The following DLGAP2 variants were observed in gnomAD, a reference collection of about 807,000 sequenced individuals.
DLGAP2 encodes DLG associated protein 2.
A neutral mutation model predicts 100.3 loss-of-function variants in DLGAP2; 26 were observed. That is an observed-to-expected ratio of 0.26 (90% CI 0.19 to 0.36). DLGAP2 has a LOEUF of 0.36. Among genes scored for constraint, DLGAP2 ranks in the 10% least tolerant of loss-of-function variants. The probability of loss-of-function intolerance (pLI) is 1.00; values close to 1 mark genes in which losing one functional copy is unlikely to be tolerated. For missense variants in DLGAP2, 1,858 were observed against 1,453.2 expected (o/e 1.28, Z -4.53); for synonymous variants, 886 against 630.1 (o/e 1.41, Z -6.08).
At chr8:1,314,738 C>A (rs563487339) in intron 3 of DLGAP2, among the ~76,000 whole-genome samples, 1 of 152,206 alleles carries the variant, frequency 6.6e-6, no homozygotes, top group African/African-American at 2.4e-5. Flanking sequence ...CGAGGACTTT[C>A]GGGGGTCTCC....
At chr8:1,380,175 A>G (rs555372115) in intron 3 of DLGAP2, 1 of 152,216 alleles carries the variant, frequency 6.6e-6, no homozygotes, top group East Asian at 1.9e-4. Context: ...ATACATAGGA[A>G]TCCTGAAAAG....
At chr8:835,039 G>A (rs1471819996) in intron 1 of DLGAP2, among the ~76,000 whole-genome samples, 1 of 152,160 alleles carries the variant, frequency 6.6e-6, no homozygotes, top group African/African-American at 2.4e-5. Context: ...GCAGGTTACT[G>A]CTCACATGTG....
chr8:1,294,919 T>G (rs1462279876), intron 3 of DLGAP2, among the ~76,000 whole-genome samples: 1 of 151,994 alleles, frequency 6.6e-6, no homozygotes, highest in Non-Finnish European at 1.5e-5. Context: ...TTTTGTTATG[T>G]AGCAGTTGAT....
intron 2 of DLGAP2, among the ~76,000 whole-genome samples, chr8:1,198,669 C>T (rs1797805090): frequency 6.6e-6 from 1 of 152,222 alleles, no homozygotes; most frequent in Non-Finnish European, 1.5e-5. Context: ...GGCCCAGCTC[C>T]ACCCCATGTC....
intron 2 of DLGAP2, among the ~76,000 whole-genome samples, chr8:1,175,005 A>G (rs943702952): frequency 2.0e-5 from 3 of 152,182 alleles, no homozygotes; most frequent in Admixed American, 6.5e-5. Flanking sequence ...ATATTTCCCT[A>G]TAAAAGTAGT....
chr8:1,594,479 C>G (rs1796387030), intron 6 of DLGAP2, among the ~76,000 whole-genome samples: 1 of 151,998 alleles, frequency 6.6e-6, no homozygotes. Context: ...CAACAACAGA[C>G]CAGATCAAAC....
chr8:1,250,229 C>A (rs981078558), intron 2 of DLGAP2: 2 of 152,088 alleles, frequency 1.3e-5, no homozygotes, highest in Non-Finnish European at 2.9e-5. Context: ...CCCAGAAACA[C>A]CCCAAAGTCA....
At chr8:1,001,924 C>T (rs972113500) in intron 2 of DLGAP2, among the ~76,000 whole-genome samples, 2 of 152,166 alleles carry the variant, frequency 1.3e-5, no homozygotes, top group East Asian at 3.8e-4. Context: ...CCTGTTAAAG[C>T]GTGTTTGAGC....
At chr8:1,119,162 A>G (rs1795975606) in intron 2 of DLGAP2, among the ~76,000 whole-genome samples, 1 of 152,258 alleles carries the variant, frequency 6.6e-6, no homozygotes, top group Non-Finnish European at 1.5e-5. Flanking sequence ...TTTTGCACTG[A>G]GATGGCATAA....
chr8:1,495,322 T>C (rs1024993963), intron 3 of DLGAP2, among the ~76,000 whole-genome samples: 1 of 152,096 alleles, frequency 6.6e-6, no homozygotes, highest in South Asian at 2.1e-4. Flanking sequence ...GGGGGAAGCA[T>C]TGTCTCCACT....
chr8:1,455,701 GC>G (rs1305651768), intron 3 of DLGAP2, among the ~76,000 whole-genome samples: 6 of 152,040 alleles, frequency 3.9e-5, no homozygotes, highest in African/African-American at 2.4e-5. Context: ...TCACATCCAC[GC>G]CCCCCATTTA....
intron 3 of DLGAP2, among the ~76,000 whole-genome samples, chr8:1,317,252 C>T (rs567487300): frequency 1.6e-4 from 22 of 136,634 alleles, no homozygotes; most frequent in Non-Finnish European, 2.8e-4. Flanking sequence ...AGAGCGTGTG[C>T]GAGTGCAGCG....
At chr8:1,437,330 A>G (rs949788713) in intron 3 of DLGAP2, among the ~76,000 whole-genome samples, 1 of 152,238 alleles carries the variant, frequency 6.6e-6, no homozygotes, top group Non-Finnish European at 1.5e-5. Context: ...TGCGCTCCAC[A>G]ATGCTCACAC....
At chr8:1,080,610 C>T (rs1290511283) in intron 2 of DLGAP2, among the ~76,000 whole-genome samples, 1 of 152,160 alleles carries the variant, frequency 6.6e-6, no homozygotes, top group Non-Finnish European at 1.5e-5. Context: ...GAGTAAGGGA[C>T]TCATCAGGCG....
chr8:805,351 G>T (rs1216557705), intron 1 of DLGAP2, among the ~76,000 whole-genome samples: 1 of 152,160 alleles, frequency 6.6e-6, no homozygotes, highest in Non-Finnish European at 1.5e-5. Flanking sequence ...CAGCACAGTT[G>T]CTCAGTGTGC....
chr8:1,661,737 G>A (rs1322119252), intron 8 of DLGAP2, among the ~76,000 whole-genome samples: 2 of 152,188 alleles, frequency 1.3e-5, no homozygotes, highest in African/African-American at 4.8e-5. Flanking sequence ...GATGGCTGCT[G>A]TCCTTAGAAA....
chr8:1,683,834 C>CTATATATATATA lies in DLGAP2; in HGVS notation c.2704+5217_2704+5228dup, dbSNP rs35210879. On this transcript the variant is annotated intron_variant, in intron 12 of 14. Transcript: ENST00000637795. ...CCTGATTTTCCTTGTCTTTGCTCCA[C>CTATATATATATA]TATATATATATATATATATATATGT... Among the ~76,000 whole-genome samples the CTATATATATATA allele has an allele frequency of 1.7e-3, 97 of 56,074 alleles. 1 individual carries two copies. Among genetic ancestry groups the CTATATATATATA allele is most frequent in the Middle Eastern group, 7.9e-3 (1 of 126 alleles). The allele number at this position is 56,074 out of a possible 152,430, so 36.8% of individuals were successfully genotyped here.
At position 811,679 on chromosome 8, in the gene DLGAP2, G is replaced by A. The variant is rs374392766; in HGVS notation, c.18+73854G>A. 2.2e-4 allele frequency among the ~76,000 whole-genome samples: 32 copies of A among 143,592 alleles called. 1 individual carries two copies. The South Asian group carries it at 3.8e-3, about 17-fold the overall frequency. 94.2% of individuals were successfully genotyped at this position (143,592 alleles called of 152,430 possible). On this transcript the variant is annotated intron_variant, in intron 1 of 14. Coordinates refer to ENST00000637795, the MANE Select transcript of DLGAP2 (RefSeq NM_001346810.2). ...GGGGGGCCCTGCCAGGGCTCCTGCCGTGGTGAGAGGCCACCAGCTTTCGGA... is the reference window on the plus strand; with the variant it reads ...GGGGGGCCCTGCCAGGGCTCCTGCCATGGTGAGAGGCCACCAGCTTTCGGA...
intron 4 of DLGAP2, among the ~76,000 whole-genome samples, chr8:1,516,727 GTGAC>G (rs757229691): frequency 6.6e-6 from 1 of 152,046 alleles, no homozygotes. Flanking sequence ...GAAAGAGTGA[GTGAC>G]TGAGAAAATG....
Sources: allele counts gnomAD v4.1 joint callset (sites outside exome capture counted in the v4.1 genomes callset), GRCh38; gene constraint gnomAD v4.1.1; transcripts MANE v1.5; gene names NCBI Gene and HGNC (gene_info 2026-07-23, HGNC 2026-07-21).